LARP1B: variants seen among roughly 807,000 people sequenced by gnomAD.
LARP1B encodes la-related protein 1B.
LARP1B carries 76 observed loss-of-function variants against 114.2 expected under a neutral mutation model. The ratio of observed to expected loss-of-function variants is 0.67; its 90% confidence interval spans 0.55 to 0.81. The LOEUF is 0.81. Ranked by LOEUF, LARP1B falls within the 30% of genes least tolerant of loss-of-function variation. The pLI, the probability that LARP1B is intolerant of heterozygous loss-of-function variation, is 0.00. For missense variants in LARP1B, 1,014 were observed against 1,075.8 expected, an observed-to-expected ratio of 0.94 and a Z score of 0.80; for synonymous variants, 345 against 348.0, an observed-to-expected ratio of 0.99 and a Z score of 0.10.
chr4:128,177,879 G>A (rs1295977156), intron 13 of LARP1B, among the ~76,000 whole-genome samples: 1 of 152,028 alleles, frequency 6.6e-6, no homozygotes, highest in East Asian at 1.9e-4. Flanking sequence ...GTTGATCACA[G>A]CATTGTTGAT....
intron 11 of LARP1B, chr4:128,155,410 C>T: frequency 3.1e-6 from 2 of 638,770 alleles, no homozygotes; most frequent in Non-Finnish European, 5.6e-6. Context: ...CTTCAGGGAA[C>T]CCGGCCCGAG....
chr4:128,124,747 G>A (rs1178637005), intron 11 of LARP1B, among the ~76,000 whole-genome samples: 1 of 152,190 alleles, frequency 6.6e-6, no homozygotes, highest in Non-Finnish European at 1.5e-5. Flanking sequence ...ACAGGTGGCA[G>A]AGGAAATATA....
intron 11 of LARP1B, chr4:128,155,525 G>A (rs2150364136): frequency 1.3e-6 from 1 of 790,526 alleles, no homozygotes; most frequent in South Asian, 1.3e-5. Flanking sequence ...AACATGAGTG[G>A]CAGTGAGGAG....
chr4:128,207,297 T>A lies in LARP1B; in HGVS notation c.2461T>A (p.Tyr821Asn). The change falls in exon 19 of 20, where the codon TAT becomes AAT. Residue 821 changes from tyrosine (Y) to asparagine (N), a missense_variant. Physicochemically the swap from Tyr to Asn is moderately radical, Grantham distance 143. Coordinates refer to ENST00000326639, the MANE Select transcript of LARP1B (RefSeq NM_018078.4). ...AGAAAAGTTTTGGGCTTATTTGAAA[T>A]ATTCTCAATCTAAGACACAGTCTAT... The part of the protein sequence containing the change: ...GLEKFWAYLK[Y>N]SQSKTQSIDP... 6.5e-7 allele frequency: 1 copy of A among 1,536,796 alleles called. No homozygotes were observed. Among genetic ancestry groups the A allele is most frequent in the South Asian group, 1.3e-5 (1 of 77,536 alleles).
intron 11 of LARP1B, chr4:128,122,438 G>GT (rs377102754): frequency 0.052 from 58,660 of 1,135,210 alleles, 424 homozygotes; most frequent in African/African-American, 0.19. Flanking sequence ...TTATACCCTT[G>GT]TTTTTTTTTT....
At chr4:128,158,168 C>T (rs1736698740) in intron 11 of LARP1B, among the ~76,000 whole-genome samples, 2 of 152,064 alleles carry the variant, frequency 1.3e-5, no homozygotes, top group South Asian at 2.1e-4. Context: ...CTTCAAAGTA[C>T]ATAAAATTTG....
intron 14 of LARP1B, 116 bp from the exon 15 acceptor site, chr4:128,179,290 A>G (rs887704847): frequency 7.6e-5 from 40 of 524,544 alleles, no homozygotes; most frequent in Admixed American, 3.6e-4. Flanking sequence ...TGATTTCACA[A>G]TGTGTTATCT....
chr4:128,104,469 G>T (rs1355345772), intron 8 of LARP1B, among the ~76,000 whole-genome samples: 1 of 150,916 alleles, frequency 6.6e-6, no homozygotes, highest in African/African-American at 2.4e-5. Context: ...TTTTGAGACC[G>T]CTCTCACTCT....
chr4:128,095,889 T>C (rs1777764756), intron 7 of LARP1B, among the ~76,000 whole-genome samples: 1 of 152,190 alleles, frequency 6.6e-6, no homozygotes, highest in Non-Finnish European at 1.5e-5. Flanking sequence ...TCATCATTGA[T>C]GTTATGTATT....
At chr4:128,143,992 A>C (rs1011794210) in intron 11 of LARP1B, among the ~76,000 whole-genome samples, 2 of 152,160 alleles carry the variant, frequency 1.3e-5, no homozygotes, top group African/African-American at 4.8e-5. Flanking sequence ...AGGGTTTCTC[A>C]ACCTCAGTAC....
intron 11 of LARP1B, among the ~76,000 whole-genome samples, chr4:128,151,175 A>G (rs984019792): frequency 6.6e-6 from 1 of 152,178 alleles, no homozygotes; most frequent in Non-Finnish European, 1.5e-5. Context: ...ATAGGTGCAT[A>G]TATATACATT....
chr4:128,209,167 T>C (rs1465435356), intron 19 of LARP1B, among the ~76,000 whole-genome samples: 2 of 152,180 alleles, frequency 1.3e-5, no homozygotes, highest in East Asian at 1.9e-4. Context: ...GCCTGTAATC[T>C]CAGCACTTTG....
chr4:128,104,785 G>T (rs1476740404), intron 8 of LARP1B, among the ~76,000 whole-genome samples: 3 of 152,062 alleles, frequency 2.0e-5, no homozygotes, highest in Non-Finnish European at 4.4e-5. Flanking sequence ...AGACATATTT[G>T]GGTTCTTTCC....
chr4:128,161,578 T>A (rs10000960), intron 11 of LARP1B, among the ~76,000 whole-genome samples: 1 of 151,908 alleles, frequency 6.6e-6, no homozygotes, highest in African/African-American at 2.4e-5. Context: ...ATCAGTCCTC[T>A]TTGCCACTGG....
intron 11 of LARP1B, among the ~76,000 whole-genome samples, chr4:128,152,973 CTTTTTTTTTTTTT>C (rs141211750): frequency 2.5e-5 from 2 of 81,312 alleles, no homozygotes; most frequent in African/African-American, 4.8e-5. Flanking sequence ...TTTGGTTTGC[CTTTTTTTTTTTTT>C]TTTTTTTTTT....
In LARP1B at chr4:128,083,670, G is replaced by A. The variant is rs1396861521; in HGVS notation, c.358+1365G>A. ...GACGGGGCGGCTGGCCAGGTGGGGG[G>A]GCTGAGCCCCCCCACCTCCCTCCCG... On this transcript the variant is annotated intron_variant, in intron 5 of 19. Transcript: ENST00000326639. 3.1e-5 allele frequency among the ~76,000 whole-genome samples: 3 copies of A among 95,336 alleles called. 1 individual carries two copies. Among genetic ancestry groups the A allele is most frequent in the Non-Finnish European group, 7.6e-5 (3 of 39,320 alleles). 62.5% of individuals were successfully genotyped at this position (95,336 alleles called of 152,430 possible).
rs1332707466 is a variant in LARP1B at position 128,107,222 on chromosome 4, C to T, written c.897C>T (p.Gly299=). Residue 299 remains glycine (G), a synonymous_variant, in exon 9 of 20, where the codon GGC becomes GGT. Transcript: ENST00000326639. ...KIEPEKWPIP[G]PPPRSVPPTD... ...AACCAGAAAAATGGCCAATTCCAGG[C>T]CCTCCTCCACGCAGTGTGCCACCAA... 6.2e-7 allele frequency: 1 copy of T among 1,613,996 alleles called. No individual in the cohort carries two copies. Among genetic ancestry groups the T allele is most frequent in the South Asian group, 1.1e-5 (1 of 91,060 alleles).
chr4:128,086,074 C>A (rs1213703286), intron 5 of LARP1B, among the ~76,000 whole-genome samples: 3 of 141,902 alleles, frequency 2.1e-5, no homozygotes, highest in Non-Finnish European at 3.0e-5. Flanking sequence ...AGTGCAGTGG[C>A]GCGATCTCGG....
intron 7 of LARP1B, among the ~76,000 whole-genome samples, chr4:128,093,883 G>A (rs1261503091): frequency 2.0e-5 from 3 of 151,712 alleles, no homozygotes; most frequent in East Asian, 2.0e-4. Flanking sequence ...GCTAATTTTT[G>A]TAGTTTTAGT....
Sources: gnomAD v4.1 joint callset for allele counts (sites outside exome capture counted in the v4.1 genomes callset) on GRCh38, gnomAD v4.1.1 for gene constraint, MANE v1.5 for transcripts, NCBI Gene and HGNC (gene_info 2026-07-23, HGNC 2026-07-21) for gene names.